The following SH3BP5 variants were observed in gnomAD, a reference collection of about 807,000 sequenced individuals.
SH3BP5 encodes SH3 domain-binding protein 5.
SH3BP5 carries 22 observed loss-of-function variants against 43.3 expected under a neutral mutation model. The ratio of observed to expected loss-of-function variants is 0.51; its 90% confidence interval spans 0.36 to 0.73. The LOEUF (loss-of-function observed/expected upper bound fraction) is 0.73. Among genes scored for constraint, SH3BP5 ranks in the 30% least tolerant of loss-of-function variants. The probability of loss-of-function intolerance (pLI) is 0.00; values close to 1 mark genes in which losing one functional copy is unlikely to be tolerated. For synonymous variants in SH3BP5, 255 were observed against 225.8 expected (o/e 1.13, Z -1.16); for missense variants, 529 against 586.9 (o/e 0.90, Z 1.02).
chr3:15,332,273 G>A lies in SH3BP5; in HGVS notation c.136C>T (p.Gln46Ter). The change falls in exon 1 of 9, where the codon CAG becomes TAG. Residue 46 changes from glutamine (Q) to a stop codon, truncating the protein, a stop_gained and splice_region_variant. Coordinates refer to ENST00000383791, the MANE Select transcript of SH3BP5 (RefSeq NM_004844.5). LOFTEE classifies it high-confidence loss of function. ...EEEEEVDPRI[Q>*]GELEKLNQST... ...CGGGGCGACCCCGCGCGCCCTACCT[G>A]GATCCGGGGATCCACCTCTTCTTCC... 6.5e-7 allele frequency: 1 copy of A among 1,549,866 alleles called. No homozygotes were observed. Among genetic ancestry groups the A allele is most frequent in the Non-Finnish European group, 8.7e-7 (1 of 1,149,732 alleles).
intron 4 of SH3BP5, among the ~76,000 whole-genome samples, chr3:15,267,298 A>C (rs958455268): frequency 1.3e-5 from 2 of 152,262 alleles, no homozygotes; most frequent in Non-Finnish European, 2.9e-5. Context: ...TATGTTCTGC[A>C]TCATCCATTA....
chr3:15,272,604 A>C (rs1271912700), intron 3 of SH3BP5, among the ~76,000 whole-genome samples: 1 of 104,106 alleles, frequency 9.6e-6, no homozygotes, highest in African/African-American at 9.2e-5. Context: ...AAGACATTAC[A>C]AAACAGAGTG....
At chr3:15,329,171 A>G (rs1249266511) in intron 2 of SH3BP5, among the ~76,000 whole-genome samples, 1 of 152,156 alleles carries the variant, frequency 6.6e-6, no homozygotes, top group Admixed American at 6.5e-5. Flanking sequence ...AATTTTAATT[A>G]AATTCAAATA....
At position 15,258,857 on chromosome 3, in the gene SH3BP5, C is replaced by T; in HGVS notation, c.863G>A (p.Ser288Asn). ...AGAAATGGCATCAGGCTCAGGTTTG[C>T]TCCCTGGCAGATCCTCCACAGATGT... ...SSTSVEDLPGSKPEPDAISVA... is the reference protein window; with the variant it reads ...SSTSVEDLPGNKPEPDAISVA... The change falls in exon 7 of 9, where the codon AGC becomes AAC. Residue 288 changes from serine (S) to asparagine (N), a missense_variant. Coordinates refer to ENST00000383791, the MANE Select transcript of SH3BP5 (RefSeq NM_004844.5). 6.2e-7 allele frequency: 1 copy of T among 1,614,144 alleles called. No individual in the cohort carries two copies. The highest frequency in any genetic ancestry group is 8.5e-7 in the Non-Finnish European group (1 of 1,180,028).
chr3:15,290,118 C>T (rs1396906708), intron 3 of SH3BP5, among the ~76,000 whole-genome samples: 1 of 152,130 alleles, frequency 6.6e-6, no homozygotes, highest in Non-Finnish European at 1.5e-5. Context: ...ACCACTTCCT[C>T]AGGCCGGGCA....
chr3:15,256,101 C>T lies in SH3BP5; in HGVS notation c.1353G>A (p.Met451Ile). 6.2e-7 allele frequency: 1 copy of T among 1,613,700 alleles called. No individual in the cohort carries two copies. Among genetic ancestry groups the T allele is most frequent in the Non-Finnish European group, 8.5e-7 (1 of 1,179,650 alleles). ...GRDGIIADIK[M>I]VQIG ...CCAGGATGAATCAGCCAATCTGCAC[C>T]ATTTTTATGTCAGCAATAATTCCAT... The change falls in exon 9 of 9, where the codon ATG (methionine) becomes ATA (isoleucine). Residue 451 changes from methionine to isoleucine, a missense_variant. Physicochemically the swap from Met to Ile is conservative, Grantham distance 10. Around this residue, in one of 3 missense-constraint regions of SH3BP5, gnomAD observed 369 missense variants for 384.3 expected, o/e 0.96. Transcript: ENST00000383791.
chr3:15,281,246 G>C (rs1375666144), intron 3 of SH3BP5, among the ~76,000 whole-genome samples: 3 of 152,168 alleles, frequency 2.0e-5, no homozygotes, highest in Non-Finnish European at 2.9e-5. Flanking sequence ...GGCTGGTCAA[G>C]AGTGAAACAC....
intron 3 of SH3BP5, among the ~76,000 whole-genome samples, chr3:15,302,738 G>T (rs533073794): frequency 1.4e-4 from 21 of 152,058 alleles, no homozygotes; most frequent in African/African-American, 5.1e-4. Context: ...CCCCCACAGT[G>T]CACAACACAC....
chr3:15,309,901 GC>G (rs1306664250), intron 2 of SH3BP5, among the ~76,000 whole-genome samples: 1 of 126,910 alleles, frequency 7.9e-6, no homozygotes, highest in Non-Finnish European at 1.6e-5. Context: ...AGTCTTCCCC[GC>G]TCCACCCCCC....
intron 2 of SH3BP5, among the ~76,000 whole-genome samples, chr3:15,314,506 A>G (rs2125125378): frequency 6.6e-6 from 1 of 152,282 alleles, no homozygotes; most frequent in East Asian, 1.9e-4. Context: ...ACCAGGGCAG[A>G]GTGGGGGAGC....
upstream of SH3BP5, among the ~76,000 whole-genome samples, chr3:15,335,213 G>A (rs1289252458): frequency 3.3e-5 from 5 of 151,832 alleles, no homozygotes; most frequent in East Asian, 5.8e-4. Context: ...AGGACAACAT[G>A]GTAAAAATAC....
At chr3:15,268,493 C>T (rs1413487687) in intron 4 of SH3BP5, among the ~76,000 whole-genome samples, 3 of 152,146 alleles carry the variant, frequency 2.0e-5, no homozygotes, top group African/African-American at 7.2e-5. Context: ...ACCAGCCCTA[C>T]ACTCGTTTTC....
At chr3:15,259,717 T>G in intron 6 of SH3BP5, 44 bp downstream of exon 6, 1 of 1,588,354 alleles carries the variant, frequency 6.3e-7, no homozygotes, top group Non-Finnish European at 8.6e-7. Context: ...AAGCTTTGAG[T>G]GCAGAAAAAT....
chr3:15,281,860 C>T (rs994757077), intron 3 of SH3BP5, among the ~76,000 whole-genome samples: 2 of 152,062 alleles, frequency 1.3e-5, no homozygotes, highest in African/African-American at 2.4e-5. Context: ...AAAAATTAGC[C>T]GGGCGCGGTG....
At chr3:15,325,830 G>A (rs1280137835) in intron 2 of SH3BP5, among the ~76,000 whole-genome samples, 1 of 152,132 alleles carries the variant, frequency 6.6e-6, no homozygotes, top group East Asian at 1.9e-4. Flanking sequence ...AAACCGGCCT[G>A]GCCAACATTG....
intron 3 of SH3BP5, among the ~76,000 whole-genome samples, chr3:15,271,928 G>A (rs543252186): frequency 3.0e-4 from 45 of 152,074 alleles, no homozygotes; most frequent in Non-Finnish European, 5.7e-4. Context: ...CCACAAACCC[G>A]CCTCTGCAGC....
At chr3:15,331,423 T>TAA (rs568234272) in intron 1 of SH3BP5, among the ~76,000 whole-genome samples, 1 of 152,038 alleles carries the variant, frequency 6.6e-6, no homozygotes, top group African/African-American at 2.4e-5. Context: ...GCAATTTTTT[T>TAA]AAAAAAATGA....
Position 15,258,368 on chromosome 3 carries a change from C to T in SH3BP5, c.889+463G>A, listed in dbSNP as rs560159434. ...GCTTCTTGGGTGTCAGGGGTTGATTCATGTAAGCTGAACCACCACCCTACA... is the reference window on the plus strand; with the variant it reads ...GCTTCTTGGGTGTCAGGGGTTGATTTATGTAAGCTGAACCACCACCCTACA... On this transcript the variant is annotated intron_variant, in intron 7 of 8. Transcript: ENST00000383791. Among the ~76,000 whole-genome samples the T allele has an allele frequency of 2.6e-5, 4 of 152,080 alleles. No individual in the cohort carries two copies. The East Asian group carries it at 7.8e-4, about 30-fold the overall frequency.
At chr3:15,257,397 A>G (rs1257631262) in intron 7 of SH3BP5, 1 of 352,742 alleles carries the variant, frequency 2.8e-6, no homozygotes, top group Non-Finnish European at 5.2e-6. Context: ...CTAAAAATGG[A>G]AGATTAATTC....
Sources: gnomAD v4.1 joint callset for allele counts (sites outside exome capture counted in the v4.1 genomes callset) on GRCh38, gnomAD v4.1.1 for gene constraint, gnomAD v4.1.1 regional missense constraint, MANE v1.5 for transcripts, NCBI Gene and HGNC (gene_info 2026-07-23, HGNC 2026-07-21) for gene names.